The following KAZN variants were observed in gnomAD, a reference collection of about 807,000 sequenced individuals.
KAZN encodes the protein kazrin.
A neutral mutation model predicts 87.4 loss-of-function variants in KAZN; 40 were observed. The ratio of observed to expected loss-of-function variants is 0.46; its 90% CI spans 0.36 to 0.60. The LOEUF is 0.60. Ranked by LOEUF, KAZN falls within the 20% of genes least tolerant of loss-of-function variation. The probability of loss-of-function intolerance (pLI) is 0.00; values close to 1 mark genes in which losing one functional copy is unlikely to be tolerated. For synonymous variants in KAZN, 466 were observed against 458.3 expected (o/e 1.02, Z -0.22); for missense variants, 898 against 1,073.9 (o/e 0.84, Z 2.29).
intron 1 of KAZN, among the ~76,000 whole-genome samples, chr1:14,120,447 C>G (rs1015991434): frequency 1.4e-4 from 21 of 152,136 alleles, no homozygotes; most frequent in Non-Finnish European, 2.2e-4. Context: ...TACAATTGAA[C>G]ATGAGATTTG....
At chr1:15,050,057 A>T (rs1271388790) in intron 4 of KAZN, among the ~76,000 whole-genome samples, 1 of 76,238 alleles carries the variant, frequency 1.3e-5, no homozygotes, top group Non-Finnish European at 2.4e-5. Context: ...AGGGTAGGGT[A>T]GGGTAGGGTA....
intron 2 of KAZN, among the ~76,000 whole-genome samples, chr1:14,444,306 ATTTTTT>A (rs35461813): frequency 4.2e-5 from 4 of 95,232 alleles, no homozygotes; most frequent in African/African-American, 4.5e-5. Context: ...TAAATTCATG[ATTTTTT>A]TTTTTTTTTT....
At chr1:14,344,269 C>T (rs2789742) in intron 2 of KAZN, among the ~76,000 whole-genome samples, 10,147 of 148,034 alleles carry the variant, frequency 0.069, 378 homozygotes, top group South Asian at 0.088. Context: ...AGAAATGAGG[C>T]TGGTCCACAC....
chr1:14,202,003 A>C (rs1167463542), intron 2 of KAZN, among the ~76,000 whole-genome samples: 1 of 152,054 alleles, frequency 6.6e-6, no homozygotes, highest in Non-Finnish European at 1.5e-5. Flanking sequence ...TTTTATTTTC[A>C]CAAACATGGA....
At chr1:15,069,948 C>G (rs1320364562) in intron 8 of KAZN, among the ~76,000 whole-genome samples, 2 of 152,194 alleles carry the variant, frequency 1.3e-5, no homozygotes, top group African/African-American at 4.8e-5. Context: ...TAGGCATTTA[C>G]CACAGGCCAG....
intron 2 of KAZN, among the ~76,000 whole-genome samples, chr1:14,985,048 A>G (rs910509479): frequency 2.6e-5 from 4 of 151,854 alleles, no homozygotes; most frequent in Non-Finnish European, 1.5e-5. Flanking sequence ...AAGCAGAAGA[A>G]TCGCTTGAAC....
At chr1:15,090,124 TA>T (rs1640464179) in intron 8 of KAZN, among the ~76,000 whole-genome samples, 1 of 152,232 alleles carries the variant, frequency 6.6e-6, no homozygotes, top group Non-Finnish European at 1.5e-5. Flanking sequence ...ATATTCTCAT[TA>T]TTCCCATTTT....
intron 2 of KAZN, among the ~76,000 whole-genome samples, chr1:14,187,925 T>C (rs74059729): frequency 0.024 from 3,687 of 152,264 alleles, 137 homozygotes; most frequent in African/African-American, 0.082. Flanking sequence ...CTCCTTTTTC[T>C]ATTGAGCATC....
intron 2 of KAZN, among the ~76,000 whole-genome samples, chr1:14,398,802 C>T (rs1557690665): frequency 6.6e-6 from 1 of 152,130 alleles, no homozygotes; most frequent in Non-Finnish European, 1.5e-5. Context: ...GACTCCAGAC[C>T]ACGTGGTCAA....
chr1:14,890,926 C>G (rs2690014), intron 1 of KAZN, among the ~76,000 whole-genome samples: 102,998 of 147,328 alleles, frequency 0.7, 37,468 homozygotes, highest in South Asian at 0.81. Context: ...TCACTGCAAG[C>G]TCTGCCTCCC....
intron 1 of KAZN, among the ~76,000 whole-genome samples, chr1:14,113,028 C>A (rs1644533879): frequency 1.3e-5 from 2 of 152,220 alleles, no homozygotes; most frequent in Non-Finnish European, 2.9e-5. Flanking sequence ...CATTCCCCTG[C>A]TCATTAGAGA....
chr1:13,917,207 C>A (rs1490142828), intron 1 of KAZN, among the ~76,000 whole-genome samples: 2 of 152,150 alleles, frequency 1.3e-5, no homozygotes, highest in African/African-American at 4.8e-5. Flanking sequence ...CATAAAAGTT[C>A]AAGGTGAAGC....
intron 1 of KAZN, among the ~76,000 whole-genome samples, chr1:13,963,549 T>C (rs777985109): frequency 5.9e-5 from 9 of 152,234 alleles, no homozygotes; most frequent in Admixed American, 3.3e-4. Context: ...GCTTTAATTA[T>C]TGTTCCTCTG....
chr1:14,423,583 G>A (rs866794719), intron 2 of KAZN, among the ~76,000 whole-genome samples: 1 of 152,164 alleles, frequency 6.6e-6, no homozygotes, highest in African/African-American at 2.4e-5. Context: ...TCTAGAGGAT[G>A]CCATGTATTG....
chr1:15,000,495 G>A (rs1389144148), intron 2 of KAZN, among the ~76,000 whole-genome samples: 1 of 151,806 alleles, frequency 6.6e-6, no homozygotes, highest in Non-Finnish European at 1.5e-5. Flanking sequence ...TCAAAGTAGG[G>A]CTGAGGAGGC....
intron 1 of KAZN, among the ~76,000 whole-genome samples, chr1:14,794,015 TGAC>T (rs1645759191): frequency 6.6e-6 from 1 of 152,224 alleles, no homozygotes; most frequent in Admixed American, 6.5e-5. Flanking sequence ...CCACAGGTCC[TGAC>T]CTTTTGTTCA....
At position 14,562,446 on chromosome 1, in the gene KAZN, G is replaced by A. The variant is rs74616300; in HGVS notation, c.250-36537G>A. Among the ~76,000 whole-genome samples, 50 of 152,278 alleles carry A rather than the reference G, an allele frequency of 3.3e-4. No homozygotes were observed. In the East Asian group the frequency reaches 8.3e-3, roughly 25 times the overall value. ...CTTAGCAAACTTCAAGATTGGCTCC[G>A]AAAGACCCATAGTCTCTTCAAGGTA... On this transcript the variant is annotated intron_variant, in intron 2 of 16. Transcript: ENST00000636203.
rs1160404417 is a variant in KAZN at position 14,395,145 on chromosome 1, G to A, written c.250-203838G>A. ...GGAGAGGAGAGAGAATGAGATGGAG[G>A]AGAGAAGAAAAAAGAGGGAGTAAAA... On this transcript the variant is annotated intron_variant, in intron 2 of 16. Coordinates refer to the KAZN transcript ENST00000636203. Among the ~76,000 whole-genome samples, 3 of 151,878 alleles carry A rather than the reference G, an allele frequency of 2.0e-5. No individual in the cohort carries two copies. The South Asian group carries it at 6.3e-4, about 32-fold the overall frequency.
chr1:14,813,300 G>C (rs2100793608), intron 1 of KAZN, among the ~76,000 whole-genome samples: 1 of 152,268 alleles, frequency 6.6e-6, no homozygotes, highest in East Asian at 1.9e-4. Flanking sequence ...AAGTGCATAT[G>C]GGGACTTCTG....
Sources: gnomAD v4.1 joint callset for allele counts (sites outside exome capture counted in the v4.1 genomes callset) on GRCh38, gnomAD v4.1.1 for gene constraint, MANE v1.5 for transcripts, NCBI Gene and HGNC (gene_info 2026-07-23, HGNC 2026-07-21) for gene names.